Variants in MTF1 observed in about 807,000 individuals in gnomAD.
MTF1 encodes the protein metal regulatory transcription factor 1.
In MTF1, 22 loss-of-function variants were observed where a neutral mutation model predicts 70.4. That is an observed-to-expected ratio of 0.31 (90% confidence interval 0.22 to 0.45). The LOEUF is 0.45. Ranked by LOEUF, MTF1 falls within the 20% of genes least tolerant of loss-of-function variation. The probability of loss-of-function intolerance (pLI) is 1.00; values close to 1 mark genes in which losing one functional copy is unlikely to be tolerated. For missense variants in MTF1, 649 were observed against 922.0 expected, an observed-to-expected ratio of 0.70 and a Z score of 3.83; for synonymous variants, 333 against 352.8, an observed-to-expected ratio of 0.94 and a Z score of 0.63.
rs773997656 is a variant in MTF1 at position 37,822,603 on chromosome 1, C to G, written c.1285G>C (p.Glu429Gln). Reference sequence around the variant, plus strand: ...GCAGGTAGTAGAGGCTGGGGTGGCTCGGAGAGGCCAGGTTGCAGTACAAGT... The same window carrying G: ...GCAGGTAGTAGAGGCTGGGGTGGCTGGGAGAGGCCAGGTTGCAGTACAAGT... ...LPLVLQPGLS[E>Q]PPQPLLPASA... is the part of the protein sequence containing the mutation. The change falls in exon 9 of 11, where the codon GAG becomes CAG. Residue 429 changes from glutamate to glutamine, a missense_variant. Glu to Gln is a conservative substitution (Grantham distance 29). This residue lies in a region of MTF1 where 267 missense variants were observed against 292.1 expected (regional missense o/e 0.91). Coordinates refer to ENST00000373036, the MANE Select transcript of MTF1 (RefSeq NM_005955.3). 1.7e-5 allele frequency: 28 copies of G among 1,613,766 alleles called. No homozygotes were observed. The highest frequency in any genetic ancestry group is 2.4e-5 in the Non-Finnish European group (28 of 1,179,996).
chr1:37,825,752 G>C (rs1640993317), intron 7 of MTF1, among the ~76,000 whole-genome samples: 1 of 152,042 alleles, frequency 6.6e-6, no homozygotes. Context: ...CCTTTACAAT[G>C]ATCTACTTCC....
chr1:37,817,917 A>T (rs775706915), intron 9 of MTF1, among the ~76,000 whole-genome samples: 3 of 152,176 alleles, frequency 2.0e-5, no homozygotes, highest in Non-Finnish European at 4.4e-5. Context: ...TGCCAAGGAC[A>T]GGTTAAGGCT....
At chr1:37,853,170 A>G (rs910101574) in intron 2 of MTF1, among the ~76,000 whole-genome samples, 1 of 152,284 alleles carries the variant, frequency 6.6e-6, no homozygotes, top group East Asian at 1.9e-4. Context: ...CAATCCTTCT[A>G]AAATGCTACT....
chr1:37,846,032 G>A (rs894693139), intron 2 of MTF1, among the ~76,000 whole-genome samples: 7 of 152,256 alleles, frequency 4.6e-5, no homozygotes, highest in South Asian at 2.1e-4. Flanking sequence ...TTGCAAAAAC[G>A]TGTAGGTTTT....
At chr1:37,828,186 ACAGG>A in intron 7 of MTF1, 4 of 416,424 alleles carry the variant, frequency 9.6e-6, no homozygotes, top group East Asian at 7.9e-5. Flanking sequence ...AAAAAAAAAA[ACAGG>A]AAAAACTAAT....
intron 1 of MTF1, among the ~76,000 whole-genome samples, chr1:37,859,188 G>A (rs1220261135): frequency 6.6e-6 from 1 of 152,236 alleles, no homozygotes; most frequent in Non-Finnish European, 1.5e-5. Flanking sequence ...AAACAAACAA[G>A]ACCAGGAGGT....
intron 9 of MTF1, among the ~76,000 whole-genome samples, chr1:37,820,167 G>A (rs1012357431): frequency 1.2e-4 from 19 of 152,128 alleles, no homozygotes; most frequent in East Asian, 1.9e-4. Context: ...AGATCTAGAC[G>A]GGGTTGGCAC....
intron 9 of MTF1, among the ~76,000 whole-genome samples, chr1:37,819,794 A>G (rs1019504153): frequency 3.9e-5 from 6 of 152,034 alleles, no homozygotes; most frequent in Non-Finnish European, 7.4e-5. Context: ...TCTACTAAAA[A>G]TACAAAAATT....
At chr1:37,850,040 T>C (rs934866637) in intron 2 of MTF1, among the ~76,000 whole-genome samples, 1 of 152,024 alleles carries the variant, frequency 6.6e-6, no homozygotes, top group Non-Finnish European at 1.5e-5. Flanking sequence ...CCCAGGATTT[T>C]GGAACCAGCC....
intron 6 of MTF1, among the ~76,000 whole-genome samples, chr1:37,833,712 G>A (rs1305098507): frequency 3.9e-5 from 6 of 152,104 alleles, no homozygotes. Flanking sequence ...GGGCAGTAGG[G>A]AACTCTGGGA....
intron 2 of MTF1, among the ~76,000 whole-genome samples, chr1:37,852,707 T>C (rs1306742339): frequency 1.3e-5 from 2 of 152,060 alleles, no homozygotes; most frequent in African/African-American, 4.8e-5. Context: ...CATGGCTCAC[T>C]GCACCCTCCG....
intron 2 of MTF1, among the ~76,000 whole-genome samples, chr1:37,854,498 T>C (rs1178170290): frequency 6.6e-6 from 1 of 152,196 alleles, no homozygotes; most frequent in Non-Finnish European, 1.5e-5. Flanking sequence ...CTTTAACCTC[T>C]ACCCACTAGA....
rs1181528810 is a variant in MTF1 at position 37,810,361 on chromosome 1, T to C, written c.*4775A>G. ...AACAGGCACACCACCAAAAGGGCAG[T>C]GTGTGGTTTTAAACCTCAATTCCAG... is the stretch of plus-strand genomic sequence containing the variant. On this transcript the variant is annotated 3_prime_UTR_variant, in exon 11 of 11. Coordinates refer to ENST00000373036, the MANE Select transcript of MTF1 (RefSeq NM_005955.3). 6.6e-6 allele frequency: 1 copy of C among 152,398 alleles called. No individual in the cohort carries two copies. The highest frequency in any genetic ancestry group is 1.5e-5 in the Non-Finnish European group (1 of 68,032). 9.4% of individuals were successfully genotyped at this position (152,398 alleles called of 1,614,324 possible).
intron 10 of MTF1, among the ~76,000 whole-genome samples, chr1:37,816,674 C>CAAAAAAA: frequency 1.0e-5 from 1 of 96,014 alleles, no homozygotes. Flanking sequence ...GACTCCATCT[C>CAAAAAAA]AAAAAAAAAA....
chr1:37,828,274 G>A (rs1038038250), intron 7 of MTF1: 2 of 369,854 alleles, frequency 5.4e-6, no homozygotes, highest in South Asian at 1.9e-5. Context: ...GTGAGGGGGG[G>A]GCCTCTGGGG....
At chr1:37,829,565 G>A (rs1641053884) in intron 7 of MTF1, among the ~76,000 whole-genome samples, 1 of 152,010 alleles carries the variant, frequency 6.6e-6, no homozygotes, top group African/African-American at 2.4e-5. Context: ...GGCGGATCAC[G>A]AGGTCAGGAG....
Position 37,835,071 on chromosome 1 carries a change from C to A in MTF1, c.990+8G>T. Reference sequence around the variant, plus strand: ...GTACCCAGATCAAGAGACAAAAACACTACACACCTCTGATCCATTGTGTTG... The same window carrying A: ...GTACCCAGATCAAGAGACAAAAACAATACACACCTCTGATCCATTGTGTTG... On this transcript the variant is annotated splice_region_variant and intron_variant, in intron 6 of 10. Coordinates refer to ENST00000373036, the MANE Select transcript of MTF1 (RefSeq NM_005955.3). The A allele has an allele frequency of 6.2e-7, 1 of 1,613,510 alleles. No homozygotes were observed. The highest frequency in any genetic ancestry group is 8.5e-7 in the Non-Finnish European group (1 of 1,179,726).
Position 37,849,401 on chromosome 1 carries a change from G to A in MTF1, c.408+7850C>T, listed in dbSNP as rs1051879740. Among the ~76,000 whole-genome samples, 4 of 151,854 alleles carry A rather than the reference G, an allele frequency of 2.6e-5. No individual in the cohort carries two copies. In the South Asian group the frequency reaches 8.3e-4, roughly 32 times the overall value. On this transcript the variant is annotated intron_variant, in intron 2 of 10. Transcript: ENST00000373036. ...AGATCGTGCCACTGTACTCCAGCCTGGGCAACAGAGCAAGCCTTCACCTCA... is the reference window on the plus strand; with the variant it reads ...AGATCGTGCCACTGTACTCCAGCCTAGGCAACAGAGCAAGCCTTCACCTCA...
At chr1:37,825,276 G>T (rs1056093578) in intron 7 of MTF1, among the ~76,000 whole-genome samples, 1 of 152,018 alleles carries the variant, frequency 6.6e-6, no homozygotes, top group Non-Finnish European at 1.5e-5. Flanking sequence ...TTACTCTGTT[G>T]CCCAGGCTGG....
Sources: allele counts gnomAD v4.1 joint callset (sites outside exome capture counted in the v4.1 genomes callset), GRCh38; gene constraint gnomAD v4.1.1; regional missense constraint gnomAD v4.1.1; transcripts MANE v1.5; gene names NCBI Gene and HGNC (gene_info 2026-07-23, HGNC 2026-07-21).